The following TBX1 variants were observed in gnomAD, a reference collection of about 807,000 sequenced individuals.
TBX1 encodes T-box transcription factor TBX1.
In TBX1, 16 loss-of-function variants were observed where a neutral mutation model predicts 40.8. The ratio of observed to expected loss-of-function variants is 0.39; its 90% CI spans 0.27 to 0.60. TBX1 has a LOEUF of 0.60. Among genes scored for constraint, TBX1 ranks in the 20% least tolerant of loss-of-function variants. TBX1 has a pLI of 0.51. For missense variants in TBX1, 755 were observed against 728.5 expected (o/e 1.04, Z -0.42); for synonymous variants, 403 against 336.8 (o/e 1.20, Z -2.15).
downstream of TBX1, among the ~76,000 whole-genome samples, chr22:19,771,565 T>A (rs1936990434): frequency 6.6e-6 from 1 of 152,228 alleles, no homozygotes; most frequent in Non-Finnish European, 1.5e-5. Flanking sequence ...CAACATGCTT[T>A]ATCTATCAGC....
At chr22:19,773,909 C>T (rs562578633) in intron 8 of TBX1, among the ~76,000 whole-genome samples, 3 of 152,322 alleles carry the variant, frequency 2.0e-5, no homozygotes, top group South Asian at 2.1e-4. Flanking sequence ...AGGTTTCCCA[C>T]GACTGGAGGG....
chr22:19,769,956 T>G (rs950851590), downstream of TBX1, among the ~76,000 whole-genome samples: 1 of 152,228 alleles, frequency 6.6e-6, no homozygotes, highest in East Asian at 1.9e-4. Flanking sequence ...TTGTTCCCTG[T>G]TTTAGGTTCC....
At chr22:19,776,323 T>A (rs1266996586) in intron 8 of TBX1, among the ~76,000 whole-genome samples, 1 of 152,114 alleles carries the variant, frequency 6.6e-6, no homozygotes, top group Non-Finnish European at 1.5e-5. Flanking sequence ...GTGTGGCCCC[T>A]TGCTCCAGGA....
At chr22:19,779,362 C>G in exon 9 of TBX1, 3 of 1,614,188 alleles carry the variant, frequency 1.9e-6, no homozygotes, top group Non-Finnish European at 2.5e-6. Flanking sequence ...CCTTCAATAC[C>G]CAGGGCCTGG....
chr22:19,779,300 G>A (rs1937113565), exon 9 of TBX1: 2 of 1,614,236 alleles, frequency 1.2e-6, no homozygotes, highest in Non-Finnish European at 1.7e-6. Flanking sequence ...GCTTCTGAGG[G>A]ATGCAGGTGG....
chr22:19,760,945 G>T lies in TBX1; in HGVS notation c.102G>T (p.Gly34=), dbSNP rs72646952. ...ASSLSSLGAA[G]GFPGAASPGA... is the part of the protein sequence containing the mutation. ...GCCTGAGCAGCCTGGGGGCCGCGGG[G>T]GGCTTCCCGGGCGCCGCGTCGCCCG... Residue 34 remains glycine, a synonymous_variant, in exon 1 of 7, where the codon GGG becomes GGT. Coordinates refer to ENST00000649276, the MANE Select transcript of TBX1 (RefSeq NM_001379200.1). 18,260 of 1,001,720 alleles carry T rather than the reference G, an allele frequency of 0.018. 221 individuals are homozygous for T. Among genetic ancestry groups the T allele is most frequent in the South Asian group, 0.045 (1,218 of 26,932 alleles). 62.1% of individuals were successfully genotyped at this position (1,001,720 alleles called of 1,614,324 possible).
chr22:19,766,733 C>T lies in TBX1; in HGVS notation c.1381C>T (p.Pro461Ser). The change falls in exon 7 of 7, where the codon CCG becomes TCG. Residue 461 changes from proline (P) to serine (S), a missense_variant. This residue lies in a region of TBX1 where 412 missense variants were observed against 317.6 expected (regional missense o/e 1.30). Transcript: ENST00000649276. Reference protein sequence around the residue: ...RGHGYHPHAHPHHHHHPVSPA... With the variant: ...RGHGYHPHAHSHHHHHPVSPA... Reference sequence around the variant, plus strand: ...CCACGGCTACCACCCGCACGCGCATCCGCACCACCACCACCACCCCGTGAG... The same window carrying T: ...CCACGGCTACCACCCGCACGCGCATTCGCACCACCACCACCACCCCGTGAG... The T allele has an allele frequency of 6.5e-7, 1 of 1,543,128 alleles. No homozygotes were observed. Among genetic ancestry groups the T allele is most frequent in the Non-Finnish European group, 8.7e-7 (1 of 1,154,448 alleles).
At chr22:19,780,773 T>C (rs1937132517), downstream of TBX1, among the ~76,000 whole-genome samples, 1 of 140,770 alleles carries the variant, frequency 7.1e-6, no homozygotes, top group Admixed American at 7.5e-5. Flanking sequence ...ACACTTGTTT[T>C]CTGTTTTTTT....
At position 19,764,151 on chromosome 22, in the gene TBX1, C is replaced by G. The variant is rs1381719757; in HGVS notation, c.540-4C>G. 6.2e-7 allele frequency: 1 copy of G among 1,612,860 alleles called. No homozygotes were observed. ...ATGCACGACCCCACCCCGTGCCGCTCCAGGTACGCCTTCCACAGCTCCTCC... is the reference window on the plus strand; with the variant it reads ...ATGCACGACCCCACCCCGTGCCGCTGCAGGTACGCCTTCCACAGCTCCTCC... On this transcript the variant is annotated splice_region_variant and splice_polypyrimidine_tract_variant and intron_variant, in intron 2 of 6. Transcript: ENST00000649276.
rs1243126124 is a variant in TBX1, at chr22:19,766,011, G to T, written c.1036+9G>T. On this transcript the variant is annotated intron_variant, in intron 6 of 6. Transcript: ENST00000649276. ...CAGCGGCACGGAGAAAGGTAGGGCC[G>T]GGGTCGTGGGATCCGGGTTCCGGCC... is the stretch of plus-strand genomic sequence containing the variant. The T allele has an allele frequency of 2.0e-6, 3 of 1,495,254 alleles. No homozygotes were observed. The highest frequency in any genetic ancestry group is 2.7e-6 in the Non-Finnish European group (3 of 1,129,234). 92.6% of individuals were successfully genotyped at this position (1,495,254 alleles called of 1,614,324 possible).
chr22:19,766,681 G>T lies in TBX1; in HGVS notation c.1329G>T (p.Ala443=), dbSNP rs772860144. Residue 443 remains alanine (A), a synonymous_variant, in exon 7 of 7, where the codon GCG becomes GCT. Transcript: ENST00000649276. ...ATCTCGGGGCCAAGAGCCGGCCGGCGCCCTACCCGCTGCCCGGCCTGCGTG... is the reference window on the plus strand; with the variant it reads ...ATCTCGGGGCCAAGAGCCGGCCGGCTCCCTACCCGCTGCCCGGCCTGCGTG... The part of the protein sequence containing the change: ...DHYLGAKSRP[A]PYPLPGLRGH... 6.5e-7 allele frequency: 1 copy of T among 1,548,102 alleles called. No homozygotes were observed. Among genetic ancestry groups the T allele is most frequent in the South Asian group, 1.2e-5 (1 of 86,234 alleles).
intron 2 of TBX1, 143 bp from the exon 3 acceptor site, chr22:19,764,012 G>A: frequency 2.3e-6 from 2 of 871,624 alleles, no homozygotes; most frequent in Non-Finnish European, 3.5e-6. Flanking sequence ...CCTTGGAAAA[G>A]CTCCCAGCAC....
Position 19,766,943 on chromosome 22 carries a change from G to A in TBX1, c.*76G>A, listed in dbSNP as rs1439263905. 1.0e-5 allele frequency: 16 copies of A among 1,544,726 alleles called. No individual in the cohort carries two copies. Among genetic ancestry groups the A allele is most frequent in the Non-Finnish European group, 1.3e-5 (15 of 1,155,344 alleles). On this transcript the variant is annotated 3_prime_UTR_variant, in exon 7 of 7. Transcript: ENST00000649276. Reference sequence around the variant, plus strand: ...CCGGGCCCGGCCACCCTGCCCCAAGGGCAAGCAAGGAATACGTTCCCCCAG... The same window carrying A: ...CCGGGCCCGGCCACCCTGCCCCAAGAGCAAGCAAGGAATACGTTCCCCCAG...
At chr22:19,765,212 T>A in intron 4 of TBX1, 99 bp downstream of exon 4, 1 of 1,565,722 alleles carries the variant, frequency 6.4e-7, no homozygotes, top group African/African-American at 1.4e-5. Flanking sequence ...CGCTTAGACC[T>A]GCAGGCTGTG....
At chr22:19,761,307 AC>A in intron 1 of TBX1, 27 bp downstream of exon 1, 1 of 1,524,070 alleles carries the variant, frequency 6.6e-7, no homozygotes, top group East Asian at 2.7e-5. Context: ...CCACGCCGCG[AC>A]CCTCCCCACG....
chr22:19,771,804 G>T (rs1280399747), downstream of TBX1, among the ~76,000 whole-genome samples: 2 of 152,224 alleles, frequency 1.3e-5, no homozygotes, highest in Admixed American at 1.3e-4. Flanking sequence ...CTAACTGAAG[G>T]ATCTTGGCTG....
chr22:19,769,135 A>T (rs1310025474), downstream of TBX1, among the ~76,000 whole-genome samples: 2 of 151,410 alleles, frequency 1.3e-5, no homozygotes, highest in African/African-American at 4.9e-5. Flanking sequence ...TAATTTTTGT[A>T]TTTTTAGTAG....
At chr22:19,782,819 G>A, downstream of TBX1, 1 of 1,608,090 alleles carries the variant, frequency 6.2e-7, no homozygotes, top group Non-Finnish European at 8.5e-7. Flanking sequence ...TACACAAAGA[G>A]AAACAAGGAC....
chr22:19,758,733 C>T (rs1055174575), upstream of TBX1, among the ~76,000 whole-genome samples: 4 of 152,152 alleles, frequency 2.6e-5, no homozygotes, highest in Admixed American at 2.6e-4. Context: ...GCCCACCCTC[C>T]GGATGTATAA....
Sources: gnomAD v4.1 joint callset for allele counts (sites outside exome capture counted in the v4.1 genomes callset) on GRCh38, gnomAD v4.1.1 for gene constraint, gnomAD v4.1.1 regional missense constraint, MANE v1.5 for transcripts, NCBI Gene and HGNC (gene_info 2026-07-23, HGNC 2026-07-21) for gene names.